The following MCM3AP variants were observed in gnomAD, a reference collection of about 807,000 sequenced individuals.
The protein encoded by MCM3AP is germinal-center associated nuclear protein.
Under a neutral mutation model 184.1 loss-of-function variants are expected in MCM3AP, and 126 were observed. That is an observed-to-expected ratio of 0.68 (90% CI 0.59 to 0.79). The LOEUF is 0.79. MCM3AP is among the 30% of genes least tolerant of loss of function. The pLI is 0.00. For missense variants in MCM3AP, 2,496 were observed against 2,479.2 expected (o/e 1.01, Z -0.14); for synonymous variants, 1,002 against 979.3 (o/e 1.02, Z -0.43).
At chr21:46,249,469 A>G in intron 20 of MCM3AP, 1 of 397,482 alleles carries the variant, frequency 2.5e-6, no homozygotes, top group South Asian at 1.9e-5. Context: ...GATTACAGGC[A>G]TAAGCCACTA....
chr21:46,262,193 A>G (rs533274820), intron 13 of MCM3AP, among the ~76,000 whole-genome samples: 2 of 152,368 alleles, frequency 1.3e-5, no homozygotes, highest in South Asian at 2.1e-4. Flanking sequence ...GTATGAGACC[A>G]GAAGGTTTCA....
Position 46,242,385 on chromosome 21 carries a change from T to A in MCM3AP, c.5426+417A>T, listed in dbSNP as rs879825710. ...ATAAAGAAATTTTATCAGGAACAGG[T>A]ATAAATTTTAAGAAACGTATTTCAA... On this transcript the variant is annotated intron_variant, in intron 25 of 27. Transcript: ENST00000291688. The A allele has an allele frequency of 7.7e-3, 1,185 of 153,012 alleles. 18 individuals carry two copies. Among genetic ancestry groups the A allele is most frequent in the African/African-American group, 0.027 (1,110 of 41,510 alleles). The allele number at this position is 153,012 out of a possible 1,614,324, so 9.5% of individuals were successfully genotyped here.
rs1456758592 is a variant in MCM3AP at position 46,266,102 on chromosome 21, C to A, written c.2854G>T (p.Val952Leu). Residue 952 changes from valine (V) to leucine (L), a missense_variant, in exon 11 of 28, where the codon GTG becomes TTG. Val to Leu is a conservative substitution (Grantham distance 32). Coordinates refer to ENST00000291688, the MANE Select transcript of MCM3AP (RefSeq NM_003906.5). ...PEGLSKTRKS[V>L]FITRKLTVSV... ...ACCGTCAGCTTCCTAGTAATAAACA[C>A]CGACTTCCTGGTCTTGGATAATCCC... 1 of 1,612,646 alleles carries A rather than the reference C, an allele frequency of 6.2e-7. No homozygotes were observed. The highest frequency in any genetic ancestry group is 1.1e-5 in the South Asian group (1 of 90,360).
rs17176152 is a variant in MCM3AP, at chr21:46,284,486, T to C, written c.801A>G (p.Lys267=). 4.2e-5 allele frequency: 67 copies of C among 1,614,170 alleles called. No individual in the cohort carries two copies. In the African/African-American group the frequency reaches 8.5e-4, roughly 21 times the overall value. The change falls in exon 1 of 28, where the codon AAA becomes AAG. Residue 267 remains lysine, a synonymous_variant. Coordinates refer to ENST00000291688, the MANE Select transcript of MCM3AP (RefSeq NM_003906.5). ...CTTCACACCCCTGCCTGACACCTGC[T>C]TTGCTAGCCTGGAAAGGTTCGCCCA... ...AVLGEPFQAS[K]AGVRQGCEEA... is the part of the protein sequence containing the mutation.
At chr21:46,260,087 AG>A (rs1169991564) in intron 15 of MCM3AP, among the ~76,000 whole-genome samples, 1 of 151,950 alleles carries the variant, frequency 6.6e-6, no homozygotes, top group East Asian at 1.9e-4. Context: ...AAAAAAAAAA[AG>A]TGCAAGAGTC....
chr21:46,278,515 T>C (rs1043839185), intron 4 of MCM3AP, among the ~76,000 whole-genome samples: 10 of 152,198 alleles, frequency 6.6e-5, no homozygotes, highest in African/African-American at 2.4e-4. Flanking sequence ...AGGCCTGGTG[T>C]GAAAAGCAAA....
rs1171822718 is a variant in MCM3AP, at chr21:46,261,349, A to G, written c.3398T>C (p.Ile1133Thr). ...TAATTGILRHIAAEEVSKERE... is the reference protein window; with the variant it reads ...TAATTGILRHTAAEEVSKERE... ...TTCCTTAGACACTTCTTCAGCTGCA[A>G]TGTGCCTCAAAATGCCCGTGGTTGC... Residue 1133 changes from isoleucine (I) to threonine (T), a missense_variant, in exon 14 of 28, where the codon ATT becomes ACT. By Grantham distance (89) the Ile-to-Thr change is moderately conservative. This residue lies in a region of MCM3AP where 1,323 missense variants were observed against 1,273.4 expected (regional missense o/e 1.04). Transcript: ENST00000291688. The G allele has an allele frequency of 3.7e-6, 6 of 1,614,024 alleles. No individual in the cohort carries two copies. Among genetic ancestry groups the G allele is most frequent in the Non-Finnish European group, 4.2e-6 (5 of 1,180,010 alleles).
chr21:46,265,478 A>G lies in MCM3AP; in HGVS notation c.3077T>C (p.Leu1026Pro). 6.2e-7 allele frequency: 1 copy of G among 1,606,796 alleles called. No homozygotes were observed. Among genetic ancestry groups the G allele is most frequent in the African/African-American group, 1.4e-5 (1 of 73,594 alleles). Residue 1026 changes from leucine (L) to proline (P), a missense_variant, in exon 12 of 28, where the codon CTG becomes CCG. Around this residue, in one of 5 missense-constraint regions of MCM3AP, gnomAD observed 1,323 missense variants for 1,273.4 expected, o/e 1.04. Transcript: ENST00000291688. ...EECGVEPDAP[L>P]SSLPQSLPAP... The stretch of plus-strand genomic sequence containing the variant: ...TGGTAGAGACTGTGGGAGACTGGAC[A>G]GGGGTGCATCCGGCTCTACACCACA...
At position 46,243,629 on chromosome 21, in the gene MCM3AP, T is replaced by C; in HGVS notation, c.5132A>G (p.Glu1711Gly). The C allele has an allele frequency of 1.9e-6, 3 of 1,614,238 alleles. No individual in the cohort carries two copies. Among genetic ancestry groups the C allele is most frequent in the Non-Finnish European group, 2.5e-6 (3 of 1,180,046 alleles). ...ACAGTAGGTTCTGTGGAGCAGGTTC[T>C]CCACCTGGGACTGGAGGACAGGCTG... ...QTQPVLQSQV[E>G]NLLHRTYCRW... Residue 1711 changes from glutamate (E) to glycine (G), a missense_variant, in exon 24 of 28, where the codon GAG becomes GGG. Physicochemically the swap from Glu to Gly is moderately conservative, Grantham distance 98 (BLOSUM62 -2). Coordinates refer to ENST00000291688, the MANE Select transcript of MCM3AP (RefSeq NM_003906.5).
rs1402668780 is a variant in MCM3AP at position 46,266,261 on chromosome 21, G to A, written c.2790-95C>T. Reference sequence around the variant, plus strand: ...GCCGAGTACTGCAAGCCCCTTGGGTGTCACCACAGCCATGTGTAAATAACA... The same window carrying A: ...GCCGAGTACTGCAAGCCCCTTGGGTATCACCACAGCCATGTGTAAATAACA... On this transcript the variant is annotated intron_variant, in intron 10 of 27. Coordinates refer to ENST00000291688, the MANE Select transcript of MCM3AP (RefSeq NM_003906.5). 18 of 1,301,124 alleles carry A rather than the reference G, an allele frequency of 1.4e-5. 1 individual carries two copies. Among genetic ancestry groups the A allele is most frequent in the Admixed American group, 2.4e-5 (1 of 42,116 alleles). The allele number at this position is 1,301,124 out of a possible 1,614,324, so 80.6% of individuals were successfully genotyped here. A position where few individuals can be genotyped will look rare whatever the true frequency, so the allele number is the denominator to read the frequency against.
At chr21:46,238,919 AAC>A (rs2080597873) in intron 26 of MCM3AP, among the ~76,000 whole-genome samples, 2 of 152,224 alleles carry the variant, frequency 1.3e-5, no homozygotes, top group African/African-American at 4.8e-5. Flanking sequence ...ACAGACAAGG[AAC>A]ACATAACAAG....
intron 25 of MCM3AP, chr21:46,241,300 G>C: frequency 3.1e-6 from 1 of 321,140 alleles, no homozygotes; most frequent in South Asian, 5.4e-5. Context: ...CTGCTCTCAA[G>C]AGGCAGCTAG....
At chr21:46,258,883 G>A in intron 16 of MCM3AP, 56 bp downstream of exon 16, 2 of 1,592,104 alleles carry the variant, frequency 1.3e-6, no homozygotes, top group Non-Finnish European at 1.7e-6. Flanking sequence ...TTTTGAATTT[G>A]TTAAAAGACT....
rs769178368 is a variant in MCM3AP, at chr21:46,285,166, G to A, written c.121C>T (p.Gln41Ter). ...FRFGQPSLFG[Q>*]NSTLSGKSSG... ...CTCTTCCCAGATAAGGTACTGTTTT[G>A]TCCAAAAAGAGAAGGTTGACCAAAT... The change falls in exon 1 of 28, where the codon CAA (glutamine) becomes TAA (stop). Residue 41 changes from glutamine to a stop codon, truncating the protein, a stop_gained. Transcript: ENST00000291688. LOFTEE classifies it high-confidence loss of function. 1.9e-6 allele frequency: 3 copies of A among 1,614,030 alleles called. No homozygotes were observed. In the African/African-American group the frequency reaches 4.0e-5, roughly 22 times the overall value.
chr21:46,240,005 A>T (rs2080627295), intron 26 of MCM3AP, among the ~76,000 whole-genome samples: 1 of 152,226 alleles, frequency 6.6e-6, no homozygotes, highest in Admixed American at 6.5e-5. Flanking sequence ...TTTTACCATT[A>T]AGAGGGCAGA....
intron 5 of MCM3AP, 52 bp from the exon 6 acceptor site, chr21:46,275,377 C>G (rs1201298870): frequency 2.7e-6 from 4 of 1,497,820 alleles, no homozygotes; most frequent in Non-Finnish European, 3.6e-6. Context: ...TAGCACGAAC[C>G]TACAGAAGTG....
chr21:46,255,903 T>C (rs1015389307), intron 17 of MCM3AP, among the ~76,000 whole-genome samples: 43 of 152,164 alleles, frequency 2.8e-4, no homozygotes, highest in African/African-American at 1.0e-3. Flanking sequence ...AAGGCAGCCA[T>C]GGGTCAGAGG....
chr21:46,243,487 G>A lies in MCM3AP; in HGVS notation c.5274C>T (p.Pro1758=), dbSNP rs2080709689. The change falls in exon 24 of 28, where the codon CCC becomes CCT. Residue 1758 remains proline, a synonymous_variant. Coordinates refer to ENST00000291688, the MANE Select transcript of MCM3AP (RefSeq NM_003906.5). The part of the protein sequence containing the change: ...CINHKLRDWT[P]PRLPVTSEAL... ...TACCTGATGTAACAGGAAGCCGGGG[G>A]GGCGTCCAGTCTCTCAGCTTGTGGT... 1.2e-5 allele frequency: 20 copies of A among 1,612,076 alleles called. No individual in the cohort carries two copies. The East Asian group carries it at 4.5e-4, about 36-fold the overall frequency.
At chr21:46,244,763 T>C (rs1336560021) in intron 23 of MCM3AP, 44 bp downstream of exon 23, 1 of 1,554,642 alleles carries the variant, frequency 6.4e-7, no homozygotes, top group Non-Finnish European at 8.7e-7. Flanking sequence ...AGCCTGAGAC[T>C]TGGCTGCAGC....
Sources: gnomAD v4.1 joint callset for allele counts (sites outside exome capture counted in the v4.1 genomes callset) on GRCh38, gnomAD v4.1.1 for gene constraint, gnomAD v4.1.1 regional missense constraint, MANE v1.5 for transcripts, NCBI Gene and HGNC (gene_info 2026-07-23, HGNC 2026-07-21) for gene names.